EPRS1: variants seen among roughly 807,000 people sequenced by gnomAD.
EPRS1 encodes the protein bifunctional glutamate/proline--tRNA ligase.
Under a neutral mutation model 188.3 loss-of-function variants are expected in EPRS1, and 107 were observed. That is an observed-to-expected ratio of 0.57 (90% CI 0.49 to 0.67). The LOEUF is 0.67. Among genes scored for constraint, EPRS1 ranks in the 30% least tolerant of loss-of-function variants. EPRS1 has a pLI of 0.00. For missense variants in EPRS1, 1,577 were observed against 1,802.2 expected (o/e 0.88, Z 2.26); for synonymous variants, 596 against 593.1 (o/e 1.00, Z -0.07).
intron 16 of EPRS1, among the ~76,000 whole-genome samples, chr1:220,004,029 A>G (rs1426977094): frequency 6.6e-6 from 1 of 152,162 alleles, no homozygotes; most frequent in African/African-American, 2.4e-5. Flanking sequence ...GAAACTAACA[A>G]CAATGTTTGT....
rs57664248 is a variant in EPRS1, at chr1:220,016,577, ATT to A, written c.1494+1870_1494+1871del. Among the ~76,000 whole-genome samples the A allele has an allele frequency of 1.8e-3, 125 of 69,616 alleles. 1 individual carries two copies. The highest frequency in any genetic ancestry group is 4.6e-3 in the African/African-American group (82 of 17,842). The allele number at this position is 69,616 out of a possible 152,430, so 45.7% of individuals were successfully genotyped here. A position where few individuals can be genotyped will look rare whatever the true frequency, so the allele number is the denominator to read the frequency against. ...AAGCATGCACGACCAGGCCTAGCTA[ATT>A]TTTTTTTTTTTTTTTTTTTTGGAGA... On this transcript the variant is annotated intron_variant, in intron 12 of 31. Coordinates refer to ENST00000366923, the MANE Select transcript of EPRS1 (RefSeq NM_004446.3).
intron 23 of EPRS1, among the ~76,000 whole-genome samples, chr1:219,982,219 CA>C (rs1251056456): frequency 6.6e-6 from 1 of 152,166 alleles, no homozygotes; most frequent in Non-Finnish European, 1.5e-5. Context: ...TCAAATTTTC[CA>C]ACAGCATTTC....
chr1:219,999,932 T>C (rs1380569437), intron 17 of EPRS1, among the ~76,000 whole-genome samples: 2 of 152,010 alleles, frequency 1.3e-5, no homozygotes, highest in Non-Finnish European at 2.9e-5. Flanking sequence ...GCCAAGATCA[T>C]ACCACTGCAC....
At chr1:220,045,638 C>T (rs1222464882) in intron 1 of EPRS1, among the ~76,000 whole-genome samples, 6 of 152,152 alleles carry the variant, frequency 3.9e-5, no homozygotes, top group Non-Finnish European at 8.8e-5. Context: ...CCAAACAGAA[C>T]TTAAGATGTG....
At chr1:219,972,193 A>G in intron 29 of EPRS1, 46 bp from the exon 30 acceptor site, 1 of 1,253,182 alleles carries the variant, frequency 8.0e-7, no homozygotes, top group African/African-American at 1.5e-5. Flanking sequence ...TCTCACAAAT[A>G]TGACAAAGTT....
At chr1:219,977,192 A>C (rs979832847) in intron 28 of EPRS1, among the ~76,000 whole-genome samples, 1 of 152,206 alleles carries the variant, frequency 6.6e-6, no homozygotes, top group African/African-American at 2.4e-5. Flanking sequence ...TGGCATTAAA[A>C]AGTATAACTA....
intron 3 of EPRS1, 65 bp from the exon 4 acceptor site, chr1:220,033,723 T>TA (rs1213956699): frequency 1.6e-6 from 2 of 1,287,980 alleles, no homozygotes; most frequent in African/African-American, 1.5e-5. Context: ...AGAAAGACCA[T>TA]AAAAAAATTC....
At chr1:219,994,615 C>T (rs373005679) in intron 18 of EPRS1, among the ~76,000 whole-genome samples, 11 of 147,300 alleles carry the variant, frequency 7.5e-5, no homozygotes, top group African/African-American at 2.7e-4. Context: ...TTTTTGAGAT[C>T]AGAAATATGC....
chr1:220,000,944 G>A (rs1010015547), intron 17 of EPRS1, among the ~76,000 whole-genome samples, 194 bp downstream of exon 17: 1 of 152,208 alleles, frequency 6.6e-6, no homozygotes, highest in Non-Finnish European at 1.5e-5. Context: ...TCGCGCCACA[G>A]CACTCCAGCC....
At chr1:219,984,618 T>G (rs1301954940) in intron 20 of EPRS1, among the ~76,000 whole-genome samples, 1 of 152,172 alleles carries the variant, frequency 6.6e-6, no homozygotes, top group African/African-American at 2.4e-5. Flanking sequence ...AGGCAGGGTC[T>G]CGCTATGTTG....
chr1:219,974,569 T>G (rs1660738693), intron 28 of EPRS1, among the ~76,000 whole-genome samples: 1 of 152,096 alleles, frequency 6.6e-6, no homozygotes, highest in Non-Finnish European at 1.5e-5. Context: ...CCATATACAA[T>G]TTAGATGACA....
chr1:220,028,621 A>G (rs758558808), intron 6 of EPRS1, among the ~76,000 whole-genome samples: 1 of 152,208 alleles, frequency 6.6e-6, no homozygotes, highest in African/African-American at 2.4e-5. Flanking sequence ...GCAAGTTACT[A>G]CAACATATGA....
Position 220,023,040 on chromosome 1 carries a change from T to C in EPRS1, c.944-522A>G, listed in dbSNP as rs532150062. Among the ~76,000 whole-genome samples, 3 of 152,310 alleles carry C rather than the reference T, an allele frequency of 2.0e-5. No homozygotes were observed. The South Asian group carries it at 6.2e-4, about 32-fold the overall frequency. On this transcript the variant is annotated intron_variant, in intron 8 of 31. Transcript: ENST00000366923. ...AGCTCAGGTTGAGAGTCTGAGCTCA[T>C]GGGCTCCCTGAAAGCCCCTTCATCA...
intron 12 of EPRS1, among the ~76,000 whole-genome samples, chr1:220,016,569 C>A (rs1439746299): frequency 2.3e-5 from 3 of 127,676 alleles, no homozygotes; most frequent in Non-Finnish European, 4.8e-5. Context: ...CACGACCAGG[C>A]CTAGCTAATT....
chr1:220,021,184 A>G (rs1277373042), intron 9 of EPRS1, among the ~76,000 whole-genome samples: 2 of 150,736 alleles, frequency 1.3e-5, no homozygotes, highest in Non-Finnish European at 3.0e-5. Flanking sequence ...CACCCAACCA[A>G]TGCTTTCCTT....
chr1:220,030,961 G>A (rs534017563), intron 5 of EPRS1, among the ~76,000 whole-genome samples: 27 of 152,126 alleles, frequency 1.8e-4, no homozygotes, highest in South Asian at 6.2e-4. Flanking sequence ...GCCTGGCGGC[G>A]TGCACCTGTA....
intron 18 of EPRS1, among the ~76,000 whole-genome samples, chr1:219,994,640 C>CTTTT (rs71169424): frequency 3.3e-4 from 36 of 109,482 alleles, no homozygotes; most frequent in Non-Finnish European, 6.1e-4. Context: ...GTAACTTCTT[C>CTTTT]TTTTTTTTTT....
intron 24 of EPRS1, 54 bp from the exon 25 acceptor site, chr1:219,980,911 T>G: frequency 1.6e-6 from 2 of 1,270,626 alleles, no homozygotes; most frequent in Non-Finnish European, 2.3e-6. Flanking sequence ...TCAATTTTTT[T>G]TTTTTGGAGA....
intron 2 of EPRS1, among the ~76,000 whole-genome samples, chr1:220,036,396 A>T (rs559985957): frequency 6.6e-6 from 1 of 152,316 alleles, no homozygotes; most frequent in African/African-American, 2.4e-5. Flanking sequence ...TGTTCACTGC[A>T]GCGCTATTCA....
Sources: gnomAD v4.1 joint callset for allele counts (sites outside exome capture counted in the v4.1 genomes callset) on GRCh38, gnomAD v4.1.1 for gene constraint, MANE v1.5 for transcripts, NCBI Gene and HGNC (gene_info 2026-07-23, HGNC 2026-07-21) for gene names.